The following SDCCAG8 variants were observed in gnomAD, a reference collection of about 807,000 sequenced individuals.
SDCCAG8 encodes the protein SHH signaling and ciliogenesis regulator SDCCAG8.
Under a neutral mutation model 101.8 loss-of-function variants are expected in SDCCAG8, and 74 were observed. That is an observed-to-expected ratio of 0.73 (90% CI 0.60 to 0.88). The LOEUF (loss-of-function observed/expected upper bound fraction) is 0.88. Ranked by LOEUF, SDCCAG8 falls within the 40% of genes least tolerant of loss-of-function variation. SDCCAG8 has a pLI of 0.00. For synonymous variants in SDCCAG8, 281 were observed against 292.9 expected (o/e 0.96, Z 0.41); for missense variants, 787 against 822.6 (o/e 0.96, Z 0.53).
At chr1:243,316,950 T>C (rs2073302269) in intron 9 of SDCCAG8, 57 bp downstream of exon 9, 1 of 1,551,284 alleles carries the variant, frequency 6.4e-7, no homozygotes, top group African/African-American at 1.4e-5. Context: ...TTTTTTCTTC[T>C]GAGTATTTAT....
chr1:243,348,459 A>G (rs1455356045), intron 12 of SDCCAG8, among the ~76,000 whole-genome samples: 1 of 148,614 alleles, frequency 6.7e-6, no homozygotes, highest in African/African-American at 2.6e-5. Context: ...GGCAAAAGAC[A>G]CAGGAGAACA....
chr1:243,342,320 A>C (rs997305042), intron 11 of SDCCAG8, among the ~76,000 whole-genome samples: 5 of 152,252 alleles, frequency 3.3e-5, no homozygotes, highest in Admixed American at 2.6e-4. Context: ...CATATACATC[A>C]GAAGAGCGAT....
chr1:243,289,647 G>A lies in SDCCAG8; in HGVS notation c.546+3250G>A, dbSNP rs1210445869. Among the ~76,000 whole-genome samples the A allele has an allele frequency of 2.0e-5, 3 of 152,206 alleles. No homozygotes were observed. In the East Asian group the frequency reaches 5.8e-4, roughly 29 times the overall value. On this transcript the variant is annotated intron_variant, in intron 5 of 17. Coordinates refer to ENST00000366541, the MANE Select transcript of SDCCAG8 (RefSeq NM_006642.5). ...GAGGAGTAAATTAAGGTACACAGCTGTTAAGTAACCTAAGTAATTGGCCTA... is the reference window on the plus strand; with the variant it reads ...GAGGAGTAAATTAAGGTACACAGCTATTAAGTAACCTAAGTAATTGGCCTA...
intron 15 of SDCCAG8, among the ~76,000 whole-genome samples, chr1:243,420,219 C>T (rs1385464287): frequency 6.6e-6 from 1 of 152,156 alleles, no homozygotes; most frequent in African/African-American, 2.4e-5. Flanking sequence ...GGCCTCATTT[C>T]CCCAAACCTC....
intron 16 of SDCCAG8, among the ~76,000 whole-genome samples, chr1:243,459,718 C>A (rs909271480): frequency 6.6e-6 from 1 of 152,078 alleles, no homozygotes; most frequent in Non-Finnish European, 1.5e-5. Flanking sequence ...GTGATCCTCC[C>A]ACGTCAGCCT....
chr1:243,463,666 T>G (rs1659570291), intron 16 of SDCCAG8, among the ~76,000 whole-genome samples: 1 of 152,220 alleles, frequency 6.6e-6, no homozygotes, highest in South Asian at 2.1e-4. Context: ...AAAAATGTAA[T>G]CCATGGTAAT....
chr1:243,282,182 T>TATCAATTGATATGTG (rs1393290242), intron 4 of SDCCAG8, among the ~76,000 whole-genome samples: 1 of 151,956 alleles, frequency 6.6e-6, no homozygotes, highest in Non-Finnish European at 1.5e-5. Context: ...CCAATTCACA[T>TATCAATTGATATGTG]ATCAATTGAT....
chr1:243,490,963 A>C (rs1466310227), intron 17 of SDCCAG8, among the ~76,000 whole-genome samples: 1 of 152,218 alleles, frequency 6.6e-6, no homozygotes, highest in Admixed American at 6.5e-5. Flanking sequence ...GCAGGTGACT[A>C]GGCTCTTGTC....
chr1:243,469,992 G>A (rs1286438290), intron 16 of SDCCAG8, among the ~76,000 whole-genome samples: 2 of 143,636 alleles, frequency 1.4e-5, no homozygotes, highest in Admixed American at 1.3e-4. Context: ...ACCCTTCTTT[G>A]TTACCAAAAA....
chr1:243,271,702 C>T (rs1420884547), intron 3 of SDCCAG8, among the ~76,000 whole-genome samples: 1 of 151,922 alleles, frequency 6.6e-6, no homozygotes, highest in Non-Finnish European at 1.5e-5. Flanking sequence ...ACTACCACAC[C>T]AGGCTAATTT....
chr1:243,347,553 T>C (rs1478102558), intron 12 of SDCCAG8, among the ~76,000 whole-genome samples: 1 of 152,248 alleles, frequency 6.6e-6, no homozygotes, highest in Non-Finnish European at 1.5e-5. Flanking sequence ...GATTATGCTT[T>C]ATTTTTATAA....
intron 13 of SDCCAG8, among the ~76,000 whole-genome samples, chr1:243,391,786 G>A (rs1437217428): frequency 6.6e-6 from 1 of 152,174 alleles, no homozygotes; most frequent in African/African-American, 2.4e-5. Flanking sequence ...GAACAAAAGA[G>A]GTAAACAAAA....
At chr1:243,293,301 A>G in intron 6 of SDCCAG8, 82 bp downstream of exon 6, 1 of 1,391,646 alleles carries the variant, frequency 7.2e-7, no homozygotes, top group South Asian at 1.3e-5. Context: ...GGTAAAATAT[A>G]TATAACAAAA....
chr1:243,323,047 A>G (rs1357945446), intron 9 of SDCCAG8, among the ~76,000 whole-genome samples: 1 of 151,162 alleles, frequency 6.6e-6, no homozygotes, highest in Non-Finnish European at 1.5e-5. Context: ...AGGCAGGAGA[A>G]TTGCTTGAAC....
rs1245534369 is a variant in SDCCAG8 at position 243,378,779 on chromosome 1, A to G, written c.1532A>G (p.Gln511Arg). 13 of 1,614,146 alleles carry G rather than the reference A, an allele frequency of 8.1e-6. No individual in the cohort carries two copies. Among genetic ancestry groups the G allele is most frequent in the South Asian group, 4.4e-5 (4 of 91,088 alleles). The stretch of plus-strand genomic sequence containing the variant: ...AGCAAACAACACTTGGAACAGGAGC[A>G]GCAGAAGGCAGCCCTGGCCAGAGAG... ...DESKQHLEQE[Q>R]QKAALAREEC... The change falls in exon 13 of 18, where the codon CAG (glutamine) becomes CGG (arginine). Residue 511 changes from glutamine to arginine, a missense_variant. Coordinates refer to ENST00000366541, the MANE Select transcript of SDCCAG8 (RefSeq NM_006642.5).
At chr1:243,261,526 A>G (rs901265229) in intron 1 of SDCCAG8, among the ~76,000 whole-genome samples, 2 of 152,224 alleles carry the variant, frequency 1.3e-5, no homozygotes, top group African/African-American at 4.8e-5. Flanking sequence ...TATGATTAGC[A>G]CATCTATCCA....
In SDCCAG8 at chr1:243,489,047, A is replaced by G. The variant is rs1194713515; in HGVS notation, c.2019A>G (p.Thr673=). ...AGCTGGATAAGCACAGCCAGGCCAC[A>G]GCCCAGCAGCTGGTGCAGCTCCTCA... The part of the protein sequence containing the change: ...LRQLDKHSQA[T]AQQLVQLLSK... The change falls in exon 17 of 18, where the codon ACA becomes ACG. Residue 673 remains threonine, a synonymous_variant. Transcript: ENST00000366541. 6.2e-7 allele frequency: 1 copy of G among 1,613,462 alleles called. No homozygotes were observed. The highest frequency in any genetic ancestry group is 8.5e-7 in the Non-Finnish European group (1 of 1,180,038).
At chr1:243,309,511 G>A (rs1169364458) in intron 8 of SDCCAG8, among the ~76,000 whole-genome samples, 1 of 152,144 alleles carries the variant, frequency 6.6e-6, no homozygotes, top group Non-Finnish European at 1.5e-5. Flanking sequence ...GGGGTGAGTT[G>A]CTGTTGTTTT....
intron 1 of SDCCAG8, among the ~76,000 whole-genome samples, chr1:243,259,443 T>G (rs759605087): frequency 2.0e-5 from 3 of 151,998 alleles, no homozygotes; most frequent in African/African-American, 4.8e-5. Context: ...ACAAATTTCC[T>G]TATTTCTTTA....
Sources: gnomAD v4.1 joint callset for allele counts (sites outside exome capture counted in the v4.1 genomes callset) on GRCh38, gnomAD v4.1.1 for gene constraint, MANE v1.5 for transcripts, NCBI Gene and HGNC (gene_info 2026-07-23, HGNC 2026-07-21) for gene names.